The following NPAS3 variants were observed in gnomAD, a reference collection of about 807,000 sequenced individuals.
NPAS3 encodes the protein neuronal PAS domain-containing protein 3.
In NPAS3, 14 loss-of-function variants were observed where a neutral mutation model predicts 73.1. The ratio of observed to expected loss-of-function variants is 0.19; its 90% CI spans 0.13 to 0.30. The LOEUF is 0.30. Among genes scored for constraint, NPAS3 ranks in the 10% least tolerant of loss-of-function variants. The probability of loss-of-function intolerance (pLI) is 1.00; values close to 1 mark genes in which losing one functional copy is unlikely to be tolerated. For synonymous variants in NPAS3, 620 were observed against 541.5 expected (o/e 1.14, Z -2.01); for missense variants, 1,096 against 1,250.0 (o/e 0.88, Z 1.86).
At chr14:33,765,501 G>A (rs992605380) in intron 7 of NPAS3, among the ~76,000 whole-genome samples, 8 of 151,836 alleles carry the variant, frequency 5.3e-5, no homozygotes, top group African/African-American at 9.7e-5. Flanking sequence ...ACTGTGGTGC[G>A]GCCACTGAGA....
At chr14:33,596,056 C>G (rs996122316) in intron 5 of NPAS3, among the ~76,000 whole-genome samples, 1 of 152,212 alleles carries the variant, frequency 6.6e-6, no homozygotes, top group Admixed American at 6.5e-5. Context: ...ACATTTCTTT[C>G]CTTCCCAAAG....
At chr14:33,127,123 G>A (rs1438285123) in intron 2 of NPAS3, among the ~76,000 whole-genome samples, 1 of 151,416 alleles carries the variant, frequency 6.6e-6, no homozygotes, top group African/African-American at 2.4e-5. Flanking sequence ...ATGTTTTGGG[G>A]CATATTCTTT....
intron 4 of NPAS3, among the ~76,000 whole-genome samples, chr14:33,504,909 G>A (rs1036833060): frequency 2.0e-5 from 3 of 152,030 alleles, no homozygotes; most frequent in Non-Finnish European, 4.4e-5. Context: ...TACGGAGACA[G>A]ATAGGAATTA....
chr14:33,074,482 T>A (rs1566532257), intron 2 of NPAS3, among the ~76,000 whole-genome samples: 2 of 152,170 alleles, frequency 1.3e-5, no homozygotes, highest in Non-Finnish European at 2.9e-5. Flanking sequence ...AGTGGCATGA[T>A]CTCGGCTCAC....
At chr14:33,801,236 C>G, downstream of NPAS3, 2 of 1,454,626 alleles carry the variant, frequency 1.4e-6, no homozygotes, top group Admixed American at 2.8e-5. Context: ...CACGACGGTC[C>G]CCATTCCACC....
intron 4 of NPAS3, among the ~76,000 whole-genome samples, chr14:33,487,909 T>TGG (rs2051692033): frequency 6.6e-6 from 1 of 152,214 alleles, no homozygotes; most frequent in African/African-American, 2.4e-5. Flanking sequence ...GATACACTTA[T>TGG]ATCTGTCTTT....
chr14:33,725,351 GAC>G (rs2061236198), intron 6 of NPAS3, among the ~76,000 whole-genome samples: 1 of 152,052 alleles, frequency 6.6e-6, no homozygotes, highest in African/African-American at 2.4e-5. Flanking sequence ...AGATTAGGCA[GAC>G]ACAGGTTTTA....
intron 5 of NPAS3, among the ~76,000 whole-genome samples, chr14:33,645,741 G>T (rs539149973): frequency 5.9e-5 from 9 of 152,182 alleles, no homozygotes; most frequent in Non-Finnish European, 1.2e-4. Context: ...TGCTGCCATG[G>T]TCTTGTCATC....
intron 3 of NPAS3, among the ~76,000 whole-genome samples, chr14:33,300,013 T>C (rs182295430): frequency 2.6e-5 from 4 of 152,310 alleles, no homozygotes; most frequent in Admixed American, 2.0e-4. Flanking sequence ...AATGACAAGA[T>C]TTGCCACTAT....
intron 1 of NPAS3, among the ~76,000 whole-genome samples, chr14:33,026,821 TAAC>T (rs898419817): frequency 5.3e-5 from 8 of 152,192 alleles, no homozygotes; most frequent in African/African-American, 1.9e-4. Context: ...TTCATGTAAA[TAAC>T]AACAGATTTG....
chr14:33,298,166 C>T (rs1327426157), intron 3 of NPAS3, among the ~76,000 whole-genome samples: 1 of 152,014 alleles, frequency 6.6e-6, no homozygotes, highest in Non-Finnish European at 1.5e-5. Flanking sequence ...GCCTGTAATC[C>T]CAGCTACTCG....
chr14:33,729,149 A>T (rs1266803845), intron 6 of NPAS3, among the ~76,000 whole-genome samples: 2 of 152,182 alleles, frequency 1.3e-5, no homozygotes, highest in Non-Finnish European at 2.9e-5. Flanking sequence ...ACTATCGATG[A>T]CATCTTTTGC....
chr14:33,501,093 C>T (rs1420188974), intron 4 of NPAS3, among the ~76,000 whole-genome samples: 1 of 151,946 alleles, frequency 6.6e-6, no homozygotes, highest in African/African-American at 2.4e-5. Context: ...TACCAGAAGT[C>T]ATATCAATAT....
intron 3 of NPAS3, among the ~76,000 whole-genome samples, chr14:33,259,306 G>T (rs1184765731): frequency 6.6e-6 from 1 of 151,230 alleles, no homozygotes; most frequent in African/African-American, 2.4e-5. Context: ...TTTTTTCTCT[G>T]TAGAAGACTA....
At chr14:33,589,527 G>T (rs1399817638) in intron 5 of NPAS3, among the ~76,000 whole-genome samples, 2 of 152,172 alleles carry the variant, frequency 1.3e-5, no homozygotes, top group Non-Finnish European at 2.9e-5. Context: ...TGGATGAGTA[G>T]CCCTGATTAC....
intron 4 of NPAS3, among the ~76,000 whole-genome samples, chr14:33,488,849 G>A (rs1172306289): frequency 1.3e-5 from 2 of 152,198 alleles, no homozygotes; most frequent in Non-Finnish European, 2.9e-5. Flanking sequence ...TATTGAAGGA[G>A]TGTTTTCCAT....
At chr14:33,141,169 C>T (rs140693972) in intron 2 of NPAS3, among the ~76,000 whole-genome samples, 5 of 152,284 alleles carry the variant, frequency 3.3e-5, no homozygotes, top group African/African-American at 7.2e-5. Context: ...CAATGAATTG[C>T]GAGAGCAATG....
chr14:33,214,030 C>G (rs1167419713), intron 2 of NPAS3: 2 of 152,012 alleles, frequency 1.3e-5, no homozygotes. Flanking sequence ...TCCTTCCTTC[C>G]TTGTTTCTCT....
chr14:33,316,069 T>C (rs1043636577), intron 3 of NPAS3, among the ~76,000 whole-genome samples: 1 of 152,106 alleles, frequency 6.6e-6, no homozygotes, highest in African/African-American at 2.4e-5. Flanking sequence ...AAATTATCTT[T>C]TATACATTAA....
Sources: gnomAD v4.1 joint callset for allele counts (sites outside exome capture counted in the v4.1 genomes callset) on GRCh38, gnomAD v4.1.1 for gene constraint, MANE v1.5 for transcripts, NCBI Gene and HGNC (gene_info 2026-07-23, HGNC 2026-07-21) for gene names.